The following SCN1A variants were observed in gnomAD, a reference collection of about 807,000 sequenced individuals.
SCN1A encodes the protein sodium voltage-gated channel alpha subunit 1, also known as sodium channel protein type 1 subunit alpha.
SCN1A carries 13 observed loss-of-function variants against 193.7 expected under a neutral mutation model. The ratio of observed to expected loss-of-function variants is 0.07; its 90% CI spans 0.04 to 0.11. The LOEUF (loss-of-function observed/expected upper bound fraction) is 0.11, where lower values mean the gene tolerates loss of function less well. Ranked by LOEUF, SCN1A falls within the 10% of genes least tolerant of loss-of-function variation. SCN1A has a pLI of 1.00. For synonymous variants in SCN1A, 781 were observed against 843.6 expected, an observed-to-expected ratio of 0.93 and a Z score of 1.29; for missense variants, 1,432 against 2,451.1, an observed-to-expected ratio of 0.58 and a Z score of 8.78.
intron 18 of SCN1A, 36 bp from the exon 19 acceptor site, chr2:166,036,566 C>T: frequency 6.2e-7 from 1 of 1,601,842 alleles, no homozygotes; most frequent in South Asian, 1.1e-5. Flanking sequence ...TAATTTTACA[C>T]CAATGTAGGG....
chr2:166,140,837 C>A (rs1397197238), intron 1 of SCN1A, among the ~76,000 whole-genome samples: 1 of 152,116 alleles, frequency 6.6e-6, no homozygotes, highest in Non-Finnish European at 1.5e-5. Flanking sequence ...ACGGACCGCG[C>A]AAAACCAGGA....
chr2:166,033,216 A>C (rs1426517987), intron 19 of SCN1A, among the ~76,000 whole-genome samples: 1 of 152,194 alleles, frequency 6.6e-6, no homozygotes, highest in Non-Finnish European at 1.5e-5. Context: ...AGGGTTAGGA[A>C]GGCTTCATTA....
chr2:166,053,925 G>A (rs1293679751), intron 7 of SCN1A, among the ~76,000 whole-genome samples: 1 of 151,842 alleles, frequency 6.6e-6, no homozygotes, highest in African/African-American at 2.4e-5. Context: ...TGCATAAACT[G>A]TGCATATTAC....
intron 2 of SCN1A, among the ~76,000 whole-genome samples, chr2:166,114,623 A>G (rs1298462529): frequency 1.3e-5 from 2 of 152,158 alleles, no homozygotes; most frequent in African/African-American, 4.8e-5. Flanking sequence ...AAAATGTAAA[A>G]TTCTTGGTAT....
chr2:166,104,346 A>G (rs1688460185), intron 2 of SCN1A: 1 of 152,226 alleles, frequency 6.6e-6, no homozygotes, highest in African/African-American at 2.4e-5. Flanking sequence ...ATAATCTAGT[A>G]AGGTAAGAAC....
intron 27 of SCN1A, among the ~76,000 whole-genome samples, 173 bp downstream of exon 27, chr2:165,995,838 TAA>T (rs1689958025): frequency 7.1e-6 from 1 of 141,834 alleles, no homozygotes; most frequent in Admixed American, 6.7e-5. Context: ...TTTTGGTCTT[TAA>T]TTTTTTTTGT....
At chr2:166,061,815 C>T (rs1683337830) in intron 4 of SCN1A, among the ~76,000 whole-genome samples, 1 of 152,054 alleles carries the variant, frequency 6.6e-6, no homozygotes, top group African/African-American at 2.4e-5. Context: ...AGTCCTTTGA[C>T]ATAGAGAAAA....
At position 165,992,517 on chromosome 2, in the gene SCN1A, C is replaced by T. The variant is rs1449928335; in HGVS notation, c.4853-95G>A. ...AAAGCTCCAAGGTAAGGTTCAGAGT[C>T]CTGAACCCAGTTATATTAAATATGA... On this transcript the variant is annotated intron_variant, in intron 28 of 28. Coordinates refer to ENST00000674923, the MANE Select transcript of SCN1A (RefSeq NM_001165963.4). The surrounding 1 kb of genome is among the most constrained non-coding windows in gnomAD (Gnocchi z 6.5). 10 of 1,248,472 alleles carry T rather than the reference C, an allele frequency of 8.0e-6. No individual in the cohort carries two copies. The highest frequency in any genetic ancestry group is 2.0e-4 in the Middle Eastern group (1 of 5,088). 77.3% of individuals were successfully genotyped at this position (1,248,472 alleles called of 1,614,324 possible). A position where few individuals can be genotyped will look rare whatever the true frequency, so the allele number is the denominator to read the frequency against.
chr2:166,042,500 GTGAATT>G, intron 14 of SCN1A, 76 bp from the exon 15 acceptor site: 1 of 1,406,054 alleles, frequency 7.1e-7, no homozygotes, highest in Non-Finnish European at 1.0e-6. Flanking sequence ...TGGTGACACA[GTGAATT>G]TCATGAAACA....
intron 16 of SCN1A, among the ~76,000 whole-genome samples, chr2:166,040,108 C>G (rs1048942436): frequency 1.3e-5 from 2 of 151,752 alleles, no homozygotes; most frequent in Non-Finnish European, 2.9e-5. Flanking sequence ...TTAGTAGAGA[C>G]GGGGTTTCAC....
intron 11 of SCN1A, 91 bp from the exon 12 acceptor site, chr2:166,047,067 C>G: frequency 7.2e-7 from 1 of 1,398,156 alleles, no homozygotes; most frequent in Non-Finnish European, 1.0e-6. Context: ...TAGCAAAACT[C>G]AGATATAAAT....
chr2:166,148,211 G>A (rs1056479169), intron 1 of SCN1A, among the ~76,000 whole-genome samples: 6 of 152,126 alleles, frequency 3.9e-5, no homozygotes, highest in African/African-American at 1.4e-4. Flanking sequence ...GCCATCTGTT[G>A]TATTATCATA....
At chr2:166,060,612 C>G (rs934967966) in intron 4 of SCN1A, 3 of 152,090 alleles carry the variant, frequency 2.0e-5, no homozygotes, top group Admixed American at 6.6e-5. Context: ...AATCCCAGCA[C>G]TTTGGGAGGC....
Position 165,991,350 on chromosome 2 carries a change from C to A in SCN1A, c.5925G>T (p.Leu1975=). 6.2e-7 allele frequency: 1 copy of A among 1,613,262 alleles called. No homozygotes were observed. Among genetic ancestry groups the A allele is most frequent in the South Asian group, 1.1e-5 (1 of 90,982 alleles). ...GTGGACAAGCTGCAGTGGACATGGTCAGATCAGTTTTTTCTGTAATAGAGT... is the reference window on the plus strand; with the variant it reads ...GTGGACAAGCTGCAGTGGACATGGTAAGATCAGTTTTTTCTGTAATAGAGT... ...NENSITEKTD[L]TMSTAACPPS... Residue 1975 remains leucine (L), a synonymous_variant, in exon 29 of 29, where the codon CTG becomes CTT. Transcript: ENST00000674923.
intron 19 of SCN1A, among the ~76,000 whole-genome samples, chr2:166,032,609 C>T (rs1188867422): frequency 2.6e-5 from 4 of 151,886 alleles, no homozygotes; most frequent in African/African-American, 9.7e-5. Flanking sequence ...AAATTTGATA[C>T]AATGTGGTAA....
chr2:166,061,910 C>G (rs1683349775), intron 4 of SCN1A, among the ~76,000 whole-genome samples: 1 of 152,050 alleles, frequency 6.6e-6, no homozygotes. Flanking sequence ...ACTGATTTTA[C>G]AGTGTATTCC....
intron 2 of SCN1A, among the ~76,000 whole-genome samples, chr2:166,112,247 AGCAACT>A (rs1689372474): frequency 6.6e-6 from 1 of 152,208 alleles, no homozygotes; most frequent in Admixed American, 6.5e-5. Context: ...CTCAACCTTC[AGCAACT>A]ACCACCCTGA....
chr2:166,138,858 G>A (rs34208638), intron 1 of SCN1A, among the ~76,000 whole-genome samples: 15,907 of 152,174 alleles, frequency 0.1, 927 homozygotes, highest in Middle Eastern at 0.22. Flanking sequence ...CAACTAGGAG[G>A]GAGTCTGTAC....
chr2:166,047,003 T>C, intron 11 of SCN1A, 27 bp from the exon 12 acceptor site: 3 of 1,610,210 alleles, frequency 1.9e-6, no homozygotes, highest in Non-Finnish European at 2.5e-6. Context: ...CAGAATTATT[T>C]CTCAATATTA....
Sources: gnomAD v4.1 joint callset for allele counts (sites outside exome capture counted in the v4.1 genomes callset) on GRCh38, gnomAD v4.1.1 for gene constraint, Gnocchi (gnomAD v3.1) non-coding constraint, MANE v1.5 for transcripts, NCBI Gene and HGNC (gene_info 2026-07-23, HGNC 2026-07-21) for gene names.